FGD4: variants seen among roughly 807,000 people sequenced by gnomAD.
The protein encoded by FGD4 is FYVE, RhoGEF and PH domain-containing protein 4.
A neutral mutation model predicts 102.0 loss-of-function variants in FGD4; 42 were observed. The ratio of observed to expected loss-of-function variants is 0.41; its 90% CI spans 0.32 to 0.53. FGD4 has a LOEUF of 0.53. Among genes scored for constraint, FGD4 ranks in the 20% least tolerant of loss-of-function variants. FGD4 has a pLI of 0.21. For missense variants in FGD4, 902 were observed against 1,078.2 expected (o/e 0.84, Z 2.29); for synonymous variants, 380 against 375.7 (o/e 1.01, Z -0.13).
At chr12:32,549,915 A>C (rs970360237) in intron 1 of FGD4, among the ~76,000 whole-genome samples, 8 of 152,144 alleles carry the variant, frequency 5.3e-5, no homozygotes, top group African/African-American at 1.9e-4. Context: ...TGCCCCTGCC[A>C]GTTGTTTCCT....
intron 1 of FGD4, among the ~76,000 whole-genome samples, chr12:32,445,186 AAAG>A (rs1274298491): frequency 2.0e-5 from 3 of 152,246 alleles, no homozygotes; most frequent in Admixed American, 6.5e-5. Flanking sequence ...TTTGCTAGAG[AAAG>A]AAGTAGGTGC....
rs947897372 is a variant in FGD4, at chr12:32,645,471, G to A, written c.*4938G>A. ...AGCCTGGCCAACATGGTGAAACCCTGTCTCTACTAAATAAAAATAAAACAA... is the reference window on the plus strand; with the variant it reads ...AGCCTGGCCAACATGGTGAAACCCTATCTCTACTAAATAAAAATAAAACAA... On this transcript the variant is annotated 3_prime_UTR_variant, in exon 17 of 17. Coordinates refer to ENST00000534526, the MANE Select transcript of FGD4 (RefSeq NM_001370298.3). The A allele has an allele frequency of 6.6e-6, 1 of 151,666 alleles. No homozygotes were observed. Among genetic ancestry groups the A allele is most frequent in the Non-Finnish European group, 1.5e-5 (1 of 67,824 alleles). 9.4% of individuals were successfully genotyped at this position (151,666 alleles called of 1,614,324 possible).
chr12:32,526,388 T>C (rs186846947), intron 1 of FGD4, among the ~76,000 whole-genome samples: 4 of 152,292 alleles, frequency 2.6e-5, no homozygotes, highest in Admixed American at 2.0e-4. Flanking sequence ...GGTTTGTGAA[T>C]GCACCAATCG....
intron 1 of FGD4, 149 bp downstream of exon 1, chr12:32,400,108 AC>A (rs1252906879): frequency 5.9e-6 from 7 of 1,176,538 alleles, no homozygotes; most frequent in Admixed American, 3.6e-5. Flanking sequence ...GCGCTCGGCC[AC>A]CCACTCCCTT....
intron 10 of FGD4, among the ~76,000 whole-genome samples, chr12:32,615,890 G>GT (rs1350355541): frequency 6.6e-6 from 1 of 152,042 alleles, no homozygotes; most frequent in Non-Finnish European, 1.5e-5. Flanking sequence ...GAGAGTAAGT[G>GT]TTTAATACAG....
intron 1 of FGD4, among the ~76,000 whole-genome samples, chr12:32,475,624 T>C (rs759691481): frequency 1.3e-5 from 2 of 152,142 alleles, no homozygotes; most frequent in Non-Finnish European, 2.9e-5. Context: ...TGAAAAACTG[T>C]GATGATCCAG....
chr12:32,567,633 T>G (rs1945300043), intron 2 of FGD4, among the ~76,000 whole-genome samples: 1 of 152,084 alleles, frequency 6.6e-6, no homozygotes, highest in Non-Finnish European at 1.5e-5. Context: ...TAATTATATC[T>G]TTTTTTCCTT....
intron 1 of FGD4, among the ~76,000 whole-genome samples, chr12:32,441,950 C>T (rs1374377250): frequency 6.6e-6 from 1 of 151,886 alleles, no homozygotes; most frequent in Non-Finnish European, 1.5e-5. Context: ...AAATTGTTGT[C>T]TTCTCCTCCA....
intron 4 of FGD4, among the ~76,000 whole-genome samples, chr12:32,584,381 A>G (rs2291882): frequency 0.29 from 43,891 of 152,108 alleles, 6,660 homozygotes; most frequent in Middle Eastern, 0.49. Context: ...CTTATTAGGT[A>G]TATTTTACCA....
chr12:32,474,212 C>T (rs1372786774), intron 1 of FGD4, among the ~76,000 whole-genome samples: 1 of 152,062 alleles, frequency 6.6e-6, no homozygotes, highest in African/African-American at 2.4e-5. Context: ...GAAGGTTAAA[C>T]ATAGAGTTGC....
intron 1 of FGD4, among the ~76,000 whole-genome samples, chr12:32,446,119 A>G (rs978108703): frequency 1.3e-5 from 2 of 152,142 alleles, no homozygotes; most frequent in African/African-American, 4.8e-5. Flanking sequence ...AGGCGACTGC[A>G]CTCCAGCCTG....
chr12:32,544,305 C>T lies in FGD4; in HGVS notation c.167-19832C>T, dbSNP rs1369400342. 1.3e-5 allele frequency among the ~76,000 whole-genome samples: 2 copies of T among 152,078 alleles called. No individual in the cohort carries two copies. Among genetic ancestry groups the T allele is most frequent in the Non-Finnish European group, 2.9e-5 (2 of 68,016 alleles). ...ATGAGCTGGGCGTGGTGGTGGGTAC[C>T]TGTAATCCCAGCTACTTGGGAGCCT... On this transcript the variant is annotated intron_variant, in intron 1 of 16. Coordinates refer to ENST00000534526, the MANE Select transcript of FGD4 (RefSeq NM_001370298.3). This position sits in a 1 kb window ranked among gnomAD's most constrained non-coding sequence, Gnocchi z 4.1.
intron 4 of FGD4, among the ~76,000 whole-genome samples, chr12:32,584,583 T>C (rs558474931): frequency 6.6e-6 from 1 of 151,450 alleles, no homozygotes; most frequent in East Asian, 1.9e-4. Flanking sequence ...TATCTTCATG[T>C]TGTAACCCCC....
intron 1 of FGD4, among the ~76,000 whole-genome samples, chr12:32,478,431 A>C (rs963119058): frequency 6.6e-6 from 1 of 152,046 alleles, no homozygotes; most frequent in African/African-American, 2.4e-5. Context: ...CACCTGGCTA[A>C]TGTTTTGTAT....
rs909160892 is a variant in FGD4, at chr12:32,642,271, C to T, written c.*1738C>T. ...CAGGGAAAGACTAGAAGAAAATTTACATTGCTTCTCTTTTTTAATGGCCAG... is the reference window on the plus strand; with the variant it reads ...CAGGGAAAGACTAGAAGAAAATTTATATTGCTTCTCTTTTTTAATGGCCAG... On this transcript the variant is annotated 3_prime_UTR_variant, in exon 17 of 17. Transcript: ENST00000534526. 6.6e-6 allele frequency: 1 copy of T among 152,042 alleles called. No homozygotes were observed. The highest frequency in any genetic ancestry group is 6.6e-5 in the Admixed American group (1 of 15,264). 9.4% of individuals were successfully genotyped at this position (152,042 alleles called of 1,614,324 possible). A position where few individuals can be genotyped will look rare whatever the true frequency, so the allele number is the denominator to read the frequency against.
rs539378959 is a variant in FGD4, at chr12:32,459,130, G to T, written c.166+59171G>T. Among the ~76,000 whole-genome samples, 3 of 151,436 alleles carry T rather than the reference G, an allele frequency of 2.0e-5. No individual in the cohort carries two copies. The East Asian group carries it at 5.8e-4, about 29-fold the overall frequency. On this transcript the variant is annotated intron_variant, in intron 1 of 16. Coordinates refer to ENST00000534526, the MANE Select transcript of FGD4 (RefSeq NM_001370298.3). ...GTATTTAGACAGCAGGAAGAGTTGG[G>T]CCAGCAAAGATTATTAATTTGGTTG...
At chr12:32,607,341 G>A (rs1948843205) in intron 7 of FGD4, among the ~76,000 whole-genome samples, 1 of 152,164 alleles carries the variant, frequency 6.6e-6, no homozygotes, top group South Asian at 2.1e-4. Context: ...TGAGGTGGGA[G>A]GACTACTTGG....
At chr12:32,490,881 G>C (rs1009148252) in intron 1 of FGD4, among the ~76,000 whole-genome samples, 1 of 152,092 alleles carries the variant, frequency 6.6e-6, no homozygotes, top group Non-Finnish European at 1.5e-5. Flanking sequence ...TTGAATTATA[G>C]TTCCTCTCAC....
chr12:32,485,869 G>A, intron 1 of FGD4: 1 of 1,239,462 alleles, frequency 8.1e-7, no homozygotes, highest in Non-Finnish European at 1.0e-6. Flanking sequence ...AGTACATTTT[G>A]AAACACCTTC....
Sources: allele counts gnomAD v4.1 joint callset (sites outside exome capture counted in the v4.1 genomes callset), GRCh38; gene constraint gnomAD v4.1.1; non-coding constraint Gnocchi (gnomAD v3.1); transcripts MANE v1.5; gene names NCBI Gene and HGNC (gene_info 2026-07-23, HGNC 2026-07-21).